SPANXD: variants seen among roughly 807,000 people sequenced by gnomAD.
SPANXD encodes the protein sperm protein associated with the nucleus on the X chromosome D.
In SPANXD, 2 loss-of-function variants were observed where a neutral mutation model predicts 1.8. That is an observed-to-expected ratio of 1.10 (90% CI 0.45 to 3.47). The LOEUF (loss-of-function observed/expected upper bound fraction) is 3.47. Among genes scored for constraint, SPANXD ranks in the 30% most tolerant of loss-of-function variants. The pLI, the probability that SPANXD is intolerant of heterozygous loss-of-function variation, is 0.08. For synonymous variants in SPANXD, 30 were observed against 32.9 expected, an observed-to-expected ratio of 0.91 and a Z score of 0.30; for missense variants, 80 against 81.6, an observed-to-expected ratio of 0.98 and a Z score of 0.07.
chrX:141,698,683 C>T lies in SPANXD; in HGVS notation c.-278G>A. 3.0e-6 allele frequency: 1 copy of T among 335,248 alleles called. No homozygotes were observed. The highest frequency in any genetic ancestry group is 5.3e-6 in the Non-Finnish European group (1 of 187,203). The allele number at this position is 335,248 out of a possible 1,213,427, so 27.6% of individuals were successfully genotyped here. A position where few individuals can be genotyped will look rare whatever the true frequency, so the allele number is the denominator to read the frequency against. ...CAAATGCTGCTGTTGTTTCAGCATCCCCTGAAGATGCATCCCAAACCGATC... is the reference window on the plus strand; with the variant it reads ...CAAATGCTGCTGTTGTTTCAGCATCTCCTGAAGATGCATCCCAAACCGATC... On this transcript the variant is annotated 5_prime_UTR_variant, in exon 1 of 2. Coordinates refer to ENST00000370515, the MANE Select transcript of SPANXD (RefSeq NM_032417.4).
chrX:141,697,728 G>A lies in SPANXD; in HGVS notation c.73-42C>T, dbSNP rs1407894889. On this transcript the variant is annotated intron_variant, in intron 1 of 1. Coordinates refer to ENST00000370515, the MANE Select transcript of SPANXD (RefSeq NM_032417.4). ...GAGAGGCCAGGAGGACATTATTTTG[G>A]GTGAACAGGATAGAGACTGGATAGC... 6 of 1,172,594 alleles carry A rather than the reference G, an allele frequency of 5.1e-6. No homozygotes were observed. The East Asian group carries it at 1.8e-4, about 35-fold the overall frequency.
chrX:141,697,442 A>G lies in SPANXD; in HGVS notation c.*23T>C. 1 of 1,209,005 alleles carries G rather than the reference A, an allele frequency of 8.3e-7. No individual in the cohort carries two copies. Among genetic ancestry groups the G allele is most frequent in the Non-Finnish European group, 1.1e-6 (1 of 894,637 alleles). On this transcript the variant is annotated 3_prime_UTR_variant, in exon 2 of 2. Coordinates refer to ENST00000370515, the MANE Select transcript of SPANXD (RefSeq NM_032417.4). Reference sequence around the variant, plus strand: ...TCTCAAACTTTATTGTCATTGCCCAAGGTTGAGAGATGTAGCTTCTTGCTA... The same window carrying G: ...TCTCAAACTTTATTGTCATTGCCCAGGGTTGAGAGATGTAGCTTCTTGCTA...
At position 141,698,602 on chromosome X, in the gene SPANXD, A is replaced by G. The variant is rs1163233965; in HGVS notation, c.-197T>C. On this transcript the variant is annotated 5_prime_UTR_variant, in exon 1 of 2. Coordinates refer to ENST00000370515, the MANE Select transcript of SPANXD (RefSeq NM_032417.4). The stretch of plus-strand genomic sequence containing the variant: ...GGTGGCTTCGACGTCACAAAGCCCC[A>G]CTGCTGACCACTCCCTGGGCTTGCG... 4.4e-5 allele frequency: 32 copies of G among 728,042 alleles called. No individual in the cohort carries two copies. Among genetic ancestry groups the G allele is most frequent in the Non-Finnish European group, 6.2e-5 (31 of 498,908 alleles). The allele number at this position is 728,042 out of a possible 1,213,427, so 60.0% of individuals were successfully genotyped here.
rs1556402836 is a variant in SPANXD at position 141,698,723 on chromosome X, A to G, written c.-318T>C. 1 of 184,333 alleles carries G rather than the reference A, an allele frequency of 5.4e-6. No individual in the cohort carries two copies. The highest frequency in any genetic ancestry group is 3.8e-5 in the African/African-American group (1 of 26,040). 15.2% of individuals were successfully genotyped at this position (184,333 alleles called of 1,213,427 possible). The stretch of plus-strand genomic sequence containing the variant: ...CCAAACCGATCTGCCGCCGCTCCTC[A>G]TTTCTCCATGTTTAATGTTCACGGT... On this transcript the variant is annotated 5_prime_UTR_variant, in exon 1 of 2. An upstream start codon of the reference 5' UTR is lost. Transcript: ENST00000370515.
Position 141,698,669 on chromosome X carries a change from G to A in SPANXD, c.-264C>T, listed in dbSNP as rs1420683154. The A allele has an allele frequency of 1.4e-5, 5 of 358,618 alleles. No individual in the cohort carries two copies. The highest frequency in any genetic ancestry group is 2.5e-5 in the Non-Finnish European group (5 of 201,098). The allele number at this position is 358,618 out of a possible 1,213,427, so 29.6% of individuals were successfully genotyped here. On this transcript the variant is annotated 5_prime_UTR_variant, in exon 1 of 2. An upstream open reading frame in the 5' UTR gains an earlier in-frame stop. Coordinates refer to ENST00000370515, the MANE Select transcript of SPANXD (RefSeq NM_032417.4). ...GGTGTAGAGCAAACCAAATGCTGCT[G>A]TTGTTTCAGCATCCCCTGAAGATGC...
At position 141,697,591 on chromosome X, in the gene SPANXD, C is replaced by T. The variant is rs1556402342; in HGVS notation, c.168G>A (p.Arg56=). 3 of 1,204,480 alleles carry T rather than the reference C, an allele frequency of 2.5e-6. No individual in the cohort carries two copies. The South Asian group carries it at 5.3e-5, about 21-fold the overall frequency. Residue 56 remains arginine, a synonymous_variant, in exon 2 of 2, where the codon AGG becomes AGA. Transcript: ENST00000370515. ...CTGGAGATGTTCTTTTAAAGTTCCT[C>T]CTGTAGCGAACCACTAGTATGGTCG... ...ESSTILVVRY[R]RNFKRTSPEE...
chrX:141,697,603 C>A lies in SPANXD; in HGVS notation c.156G>T (p.Val52=). 4.2e-6 allele frequency: 5 copies of A among 1,202,382 alleles called. No individual in the cohort carries two copies. Among genetic ancestry groups the A allele is most frequent in the Non-Finnish European group, 5.6e-6 (5 of 889,890 alleles). ...TTTTAAAGTTCCTCCTGTAGCGAAC[C>A]ACTAGTATGGTCGAGGACTCAGATG... ...LKTSESSTIL[V]VRYRRNFKRT... is the part of the protein sequence containing the mutation. The change falls in exon 2 of 2, where the codon GTG becomes GTT. Residue 52 remains valine (V), a synonymous_variant. Coordinates refer to ENST00000370515, the MANE Select transcript of SPANXD (RefSeq NM_032417.4).
Position 141,698,627 on chromosome X carries a change from G to A in SPANXD, c.-222C>T. ...ACTGCTGACCACTCCCTGGGCTTGC[G>A]GGCGAGGGGTGACAGGGGTGTAGAG... On this transcript the variant is annotated 5_prime_UTR_variant, in exon 1 of 2. Coordinates refer to ENST00000370515, the MANE Select transcript of SPANXD (RefSeq NM_032417.4). The A allele has an allele frequency of 2.2e-5, 11 of 502,884 alleles. 1 individual carries two copies. In the South Asian group the frequency reaches 2.9e-4, roughly 13 times the overall value. The allele number at this position is 502,884 out of a possible 1,213,427, so 41.4% of individuals were successfully genotyped here. A position where few individuals can be genotyped will look rare whatever the true frequency, so the allele number is the denominator to read the frequency against.
rs5953618 is a variant in SPANXD at position 141,697,557 on chromosome X, C to A, written c.202G>T (p.Val68Leu). 1.7e-6 allele frequency: 2 copies of A among 1,193,106 alleles called. No homozygotes were observed. The highest frequency in any genetic ancestry group is 2.3e-6 in the Non-Finnish European group (2 of 887,319). ...NFKRTSPEEL[V>L]NDHARKNRIN... ...CTGTTCTTTCGGGCGTGGTCATTCA[C>A]CAGTTCCTCTGGAGATGTTCTTTTA... Residue 68 changes from valine to leucine, a missense_variant, in exon 2 of 2, where the codon GTG (valine) becomes TTG (leucine). Physicochemically the swap from Val to Leu is conservative, Grantham distance 32. Around this residue, in one of 2 missense-constraint regions of SPANXD, gnomAD observed 78 missense variants for 58.7 expected, o/e 1.33. Coordinates refer to ENST00000370515, the MANE Select transcript of SPANXD (RefSeq NM_032417.4).
In SPANXD at chrX:141,697,545, C is replaced by T. The variant is rs781800119; in HGVS notation, c.214G>A (p.Ala72Thr). Residue 72 changes from alanine (A) to threonine (T), a missense_variant, in exon 2 of 2, where the codon GCC (alanine) becomes ACC (threonine). By Grantham distance (58) the Ala-to-Thr change is moderately conservative (BLOSUM62 0). Transcript: ENST00000370515. ...AGGGGGTTGATTCTGTTCTTTCGGGCGTGGTCATTCACCAGTTCCTCTGGA... is the reference window on the plus strand; with the variant it reads ...AGGGGGTTGATTCTGTTCTTTCGGGTGTGGTCATTCACCAGTTCCTCTGGA... ...TSPEELVNDH[A>T]RKNRINPLQM... 9.1e-6 allele frequency: 11 copies of T among 1,206,593 alleles called. No individual in the cohort carries two copies. The highest frequency in any genetic ancestry group is 3.0e-5 in the East Asian group (1 of 33,774).
Position 141,697,643 on chromosome X carries a change from G to C in SPANXD, c.116C>G (p.Pro39Arg), listed in dbSNP as rs145377089. 5.1e-6 allele frequency: 6 copies of C among 1,186,482 alleles called. No homozygotes were observed. The African/African-American group carries it at 1.1e-4, about 22-fold the overall frequency. The change falls in exon 2 of 2, where the codon CCG (proline) becomes CGG (arginine). Residue 39 changes from proline to arginine, a missense_variant. Physicochemically the swap from Pro to Arg is moderately radical, Grantham distance 103. Coordinates refer to ENST00000370515, the MANE Select transcript of SPANXD (RefSeq NM_032417.4). ...SSGYSDPQPA[P>R]KKLKTSESST... ...GGACTCAGATGTTTTTAGTTTTTTC[G>C]GAGCAGGTTGCGGGTCTGAGTACCC...
chrX:141,697,684 C>A lies in SPANXD; in HGVS notation c.75G>T (p.Met25Ile), dbSNP rs1296650516. The A allele has an allele frequency of 8.4e-7, 1 of 1,188,191 alleles. No homozygotes were observed. Among genetic ancestry groups the A allele is most frequent in the Non-Finnish European group, 1.1e-6 (1 of 880,674 alleles). ...PCDSNEANEM[M>I]PETSSGYSDP... is the part of the protein sequence containing the mutation. ...CTGAGTACCCACTCGAGGTCTCCGG[C>A]ATCTGTTAAGAAAACAGGGAGAGGC... Residue 25 changes from methionine to isoleucine, a missense_variant and splice_region_variant, in exon 2 of 2, where the codon ATG becomes ATT. By Grantham distance (10) the Met-to-Ile change is conservative. This residue lies in a region of SPANXD where 2 missense variants were observed against 22.9 expected (regional missense o/e 0.09). Coordinates refer to ENST00000370515, the MANE Select transcript of SPANXD (RefSeq NM_032417.4).
Position 141,697,654 on chromosome X carries a change from C to T in SPANXD, c.105G>A (p.Pro35=), listed in dbSNP as rs372644465. The change falls in exon 2 of 2, where the codon CCG becomes CCA. Residue 35 remains proline, a synonymous_variant. Transcript: ENST00000370515. ...MPETSSGYSD[P]QPAPKKLKTS... ...TTTTTAGTTTTTTCGGAGCAGGTTG[C>T]GGGTCTGAGTACCCACTCGAGGTCT... The T allele has an allele frequency of 1.1e-5, 13 of 1,186,372 alleles. No homozygotes were observed. The highest frequency in any genetic ancestry group is 2.4e-4 in the Middle Eastern group (1 of 4,205).
chrX:141,698,540 A>G lies in SPANXD; in HGVS notation c.-135T>C. On this transcript the variant is annotated 5_prime_UTR_variant, in exon 1 of 2. Coordinates refer to ENST00000370515, the MANE Select transcript of SPANXD (RefSeq NM_032417.4). ...AAGCCACACCCTTGAGCTTTGTTTG[A>G]TCATACAGGCAGTGTCCCAGCCAAT... The G allele has an allele frequency of 1.3e-6, 1 of 798,462 alleles. No homozygotes were observed. Among genetic ancestry groups the G allele is most frequent in the East Asian group, 3.3e-5 (1 of 30,109 alleles). The allele number at this position is 798,462 out of a possible 1,213,427, so 65.8% of individuals were successfully genotyped here. A position where few individuals can be genotyped will look rare whatever the true frequency, so the allele number is the denominator to read the frequency against.
At chrX:141,697,773 A>G (rs782301996) in intron 1 of SPANXD, 87 bp from the exon 2 acceptor site, 9 of 948,209 alleles carry the variant, frequency 9.5e-6, no homozygotes, top group Non-Finnish European at 1.4e-5. Context: ...TCATGAGAAG[A>G]AGGAATGCGG....
chrX:141,698,704 C>T lies in SPANXD; in HGVS notation c.-299G>A, dbSNP rs1190399563. Reference sequence around the variant, plus strand: ...CATCCCCTGAAGATGCATCCCAAACCGATCTGCCGCCGCTCCTCATTTCTC... The same window carrying T: ...CATCCCCTGAAGATGCATCCCAAACTGATCTGCCGCCGCTCCTCATTTCTC... On this transcript the variant is annotated 5_prime_UTR_variant, in exon 1 of 2. Transcript: ENST00000370515. 3.6e-5 allele frequency: 9 copies of T among 252,692 alleles called. No homozygotes were observed. Among genetic ancestry groups the T allele is most frequent in the African/African-American group, 1.0e-4 (3 of 29,618 alleles). The allele number at this position is 252,692 out of a possible 1,213,427, so 20.8% of individuals were successfully genotyped here.
At position 141,697,449 on chromosome X, in the gene SPANXD, G is replaced by A. The variant is rs1602986792; in HGVS notation, c.*16C>T. On this transcript the variant is annotated 3_prime_UTR_variant, in exon 2 of 2. Coordinates refer to ENST00000370515, the MANE Select transcript of SPANXD (RefSeq NM_032417.4). ...CTTTATTGTCATTGCCCAAGGTTGAGAGATGTAGCTTCTTGCTACTTTGCA... is the reference window on the plus strand; with the variant it reads ...CTTTATTGTCATTGCCCAAGGTTGAAAGATGTAGCTTCTTGCTACTTTGCA... The A allele has an allele frequency of 8.3e-7, 1 of 1,207,098 alleles. No homozygotes were observed. Among genetic ancestry groups the A allele is most frequent in the African/African-American group, 1.8e-5 (1 of 56,702 alleles).
chrX:141,697,473 C>T lies in SPANXD; in HGVS notation c.286G>A (p.Ala96Thr), dbSNP rs782080496. 1.2e-5 allele frequency: 15 copies of T among 1,207,273 alleles called. No homozygotes were observed. Among genetic ancestry groups the T allele is most frequent in the Middle Eastern group, 2.6e-4 (1 of 3,908 alleles). Residue 96 changes from alanine to threonine, a missense_variant, in exon 2 of 2, where the codon GCA (alanine) becomes ACA (threonine). This residue lies in a region of SPANXD where 78 missense variants were observed against 58.7 expected (regional missense o/e 1.33). Coordinates refer to ENST00000370515, the MANE Select transcript of SPANXD (RefSeq NM_032417.4). ...EFMEIMVEIP[A>T]K is the part of the protein sequence containing the mutation. Reference sequence around the variant, plus strand: ...AGAGATGTAGCTTCTTGCTACTTTGCAGGTATTTCAACCATTATTTCCATG... The same window carrying T: ...AGAGATGTAGCTTCTTGCTACTTTGTAGGTATTTCAACCATTATTTCCATG...
chrX:141,697,588 C>A lies in SPANXD; in HGVS notation c.171G>T (p.Arg57Ser), dbSNP rs782110522. 1 of 1,204,590 alleles carries A rather than the reference C, an allele frequency of 8.3e-7. No individual in the cohort carries two copies. The change falls in exon 2 of 2, where the codon AGG becomes AGT. Residue 57 changes from arginine to serine, a missense_variant. Arg to Ser is a moderately radical substitution (Grantham distance 110, BLOSUM62 -1). Coordinates refer to ENST00000370515, the MANE Select transcript of SPANXD (RefSeq NM_032417.4). Reference protein sequence around the residue: ...SSTILVVRYRRNFKRTSPEEL... With the variant: ...SSTILVVRYRSNFKRTSPEEL... ...CCTCTGGAGATGTTCTTTTAAAGTT[C>A]CTCCTGTAGCGAACCACTAGTATGG...
Sources: allele counts gnomAD v4.1 joint callset, GRCh38; gene constraint gnomAD v4.1.1; regional missense constraint gnomAD v4.1.1; transcripts MANE v1.5; gene names NCBI Gene and HGNC (gene_info 2026-07-23, HGNC 2026-07-21).